The following ZNF831 variants were observed in gnomAD, a reference collection of about 807,000 sequenced individuals.
ZNF831 encodes zinc finger protein 831.
Under a neutral mutation model 95.8 loss-of-function variants are expected in ZNF831, and 59 were observed. The observed-to-expected ratio is 0.62, with a 90% confidence interval of 0.50 to 0.77. The LOEUF (loss-of-function observed/expected upper bound fraction) is 0.77, where lower values mean the gene tolerates loss of function less well. Ranked by LOEUF, ZNF831 falls within the 30% of genes least tolerant of loss-of-function variation. The pLI, the probability that ZNF831 is intolerant of heterozygous loss-of-function variation, is 0.00. For missense variants in ZNF831, 2,205 were observed against 2,164.0 expected, an observed-to-expected ratio of 1.02 and a Z score of -0.38; for synonymous variants, 961 against 925.5, an observed-to-expected ratio of 1.04 and a Z score of -0.70.
rs750565518 is a variant in ZNF831, at chr20:59,191,911, T to A, written c.892T>A (p.Trp298Arg). 2 of 1,612,162 alleles carry A rather than the reference T, an allele frequency of 1.2e-6. No homozygotes were observed. The highest frequency in any genetic ancestry group is 3.3e-5 in the Admixed American group (2 of 59,984). The change falls in exon 2 of 6, where the codon TGG (tryptophan) becomes AGG (arginine). Residue 298 changes from tryptophan to arginine, a missense_variant. Transcript: ENST00000371030. ...PGLPAASTQP[W>R]RKLPEQKSPT... ...GCTCCCAGCGGCCAGCACACAACCC[T>A]GGCGTAAGTTGCCAGAGCAGAAGTC... is the stretch of plus-strand genomic sequence containing the variant.
In ZNF831 at chr20:59,254,023, C is replaced by A. The variant is rs1405379879; in HGVS notation, c.4314C>A (p.Gly1438=). The A allele has an allele frequency of 1.2e-6, 2 of 1,614,146 alleles. No individual in the cohort carries two copies. The highest frequency in any genetic ancestry group is 1.1e-5 in the South Asian group (1 of 91,082). ...AVVNDVPLPP[G]KGLDLGLLET... is the part of the protein sequence containing the mutation. ...TTAATGACGTGCCTCTACCCCCTGG[C>A]AAAGGTCTTGACCTTGGGTTGCTGG... Residue 1438 remains glycine (G), a synonymous_variant, in exon 6 of 6, where the codon GGC becomes GGA. Coordinates refer to ENST00000371030, the MANE Select transcript of ZNF831 (RefSeq NM_178457.3). This position sits in a 1 kb window ranked among gnomAD's most constrained non-coding sequence, Gnocchi z 4.5.
intron 3 of ZNF831, among the ~76,000 whole-genome samples, chr20:59,205,673 G>A (rs998350382): frequency 2.0e-5 from 3 of 152,152 alleles, no homozygotes; most frequent in Non-Finnish European, 4.4e-5. Context: ...GAAAATAGCC[G>A]GTTCTGAGGA....
intron 1 of ZNF831, among the ~76,000 whole-genome samples, chr20:59,143,230 C>G (rs1979736781): frequency 6.6e-6 from 1 of 152,160 alleles, no homozygotes; most frequent in South Asian, 2.1e-4. Flanking sequence ...CATTTTGCTC[C>G]TAGGGCCTAG....
At chr20:59,156,500 TG>T (rs1261850144) in intron 2 of ZNF831, among the ~76,000 whole-genome samples, 3 of 152,138 alleles carry the variant, frequency 2.0e-5, no homozygotes, top group Admixed American at 6.5e-5. Flanking sequence ...CACTCCAGCC[TG>T]GGCGACAGGG....
At chr20:59,155,867 GCCAGAAAGC>G (rs763388547) in intron 2 of ZNF831, among the ~76,000 whole-genome samples, 1 of 152,140 alleles carries the variant, frequency 6.6e-6, no homozygotes, top group Non-Finnish European at 1.5e-5. Context: ...TGAGACACGT[GCCAGAAAGC>G]CCCTCCTAGA....
At chr20:59,188,015 CTG>C (rs1327183376) in intron 1 of ZNF831, among the ~76,000 whole-genome samples, 1 of 152,220 alleles carries the variant, frequency 6.6e-6, no homozygotes, top group Non-Finnish European at 1.5e-5. Context: ...TTCTACGGTA[CTG>C]TATATTGCCG....
At chr20:59,248,489 C>G (rs1987726189) in intron 4 of ZNF831, among the ~76,000 whole-genome samples, 1 of 152,168 alleles carries the variant, frequency 6.6e-6, no homozygotes, top group South Asian at 2.1e-4. Flanking sequence ...CAAATTAGAT[C>G]AGTGGATTTT....
At chr20:59,219,302 C>G (rs900280791) in intron 4 of ZNF831, among the ~76,000 whole-genome samples, 6 of 152,116 alleles carry the variant, frequency 3.9e-5, no homozygotes, top group African/African-American at 1.4e-4. Context: ...AGTCACGTGG[C>G]CTGAGGGTCC....
intron 4 of ZNF831, among the ~76,000 whole-genome samples, chr20:59,242,976 T>C (rs1025804223): frequency 6.6e-6 from 1 of 152,330 alleles, no homozygotes; most frequent in Admixed American, 6.5e-5. Flanking sequence ...TACCAATCAT[T>C]GTGTAATTCT....
At chr20:59,141,884 G>T (rs1237620590) in intron 1 of ZNF831, among the ~76,000 whole-genome samples, 1 of 152,206 alleles carries the variant, frequency 6.6e-6, no homozygotes, top group Non-Finnish European at 1.5e-5. Flanking sequence ...CCTGTGAAAT[G>T]ATCCCATGAA....
rs1011259602 is a variant in ZNF831, at chr20:59,255,689, G to T, written c.*946G>T. 1 of 152,210 alleles carries T rather than the reference G, an allele frequency of 6.6e-6. No homozygotes were observed. Among genetic ancestry groups the T allele is most frequent in the Non-Finnish European group, 1.5e-5 (1 of 68,042 alleles). 9.4% of individuals were successfully genotyped at this position (152,210 alleles called of 1,614,324 possible). A position where few individuals can be genotyped will look rare whatever the true frequency, so the allele number is the denominator to read the frequency against. On this transcript the variant is annotated 3_prime_UTR_variant, in exon 6 of 6. Transcript: ENST00000371030. ...CAGCTTCAACTGATGCCTGCTCGTC[G>T]TGACGGGAGCCTTTTAGATTTCCTT... is the stretch of plus-strand genomic sequence containing the variant.
At chr20:59,174,188 T>C (rs904545602) in intron 1 of ZNF831, among the ~76,000 whole-genome samples, 2 of 152,132 alleles carry the variant, frequency 1.3e-5, no homozygotes, top group Non-Finnish European at 2.9e-5. Flanking sequence ...AAACGGCCAC[T>C]GTGTGTGGAC....
intron 4 of ZNF831, among the ~76,000 whole-genome samples, chr20:59,220,107 T>G (rs1366271863): frequency 6.6e-6 from 1 of 152,184 alleles, no homozygotes. Context: ...TGAAAACCGT[T>G]CTCATATTTG....
intron 3 of ZNF831, among the ~76,000 whole-genome samples, chr20:59,204,812 T>C: frequency 6.6e-6 from 1 of 152,006 alleles, no homozygotes; most frequent in South Asian, 2.1e-4. Flanking sequence ...GCATGGCTGG[T>C]GATGGAGATG....
At chr20:59,136,697 C>A (rs1404287963) in intron 1 of ZNF831, among the ~76,000 whole-genome samples, 7 of 152,192 alleles carry the variant, frequency 4.6e-5, no homozygotes, top group Admixed American at 4.6e-4. Flanking sequence ...TGGCCATATT[C>A]TTTTCTTCCT....
chr20:59,183,380 A>G (rs956041599), intron 1 of ZNF831, among the ~76,000 whole-genome samples: 1 of 152,200 alleles, frequency 6.6e-6, no homozygotes, highest in East Asian at 1.9e-4. Flanking sequence ...TATCAGGTGA[A>G]GACTGTAAGT....
chr20:59,224,957 AT>A (rs78688579), intron 4 of ZNF831, among the ~76,000 whole-genome samples: 18,691 of 148,194 alleles, frequency 0.13, 1,324 homozygotes, highest in East Asian at 0.34. Flanking sequence ...AAATTTTGTG[AT>A]TTTTTTTTTT....
chr20:59,226,943 A>C (rs1044856821), intron 4 of ZNF831, among the ~76,000 whole-genome samples: 1 of 152,140 alleles, frequency 6.6e-6, no homozygotes, highest in Non-Finnish European at 1.5e-5. Flanking sequence ...TTCACCTGAC[A>C]TTAGGACAGT....
In ZNF831 at chr20:59,194,427, C is replaced by T. The variant is rs753876980; in HGVS notation, c.3408C>T (p.Ala1136=). The T allele has an allele frequency of 2.5e-6, 4 of 1,612,312 alleles. No individual in the cohort carries two copies. The highest frequency in any genetic ancestry group is 3.4e-6 in the Non-Finnish European group (4 of 1,179,364). The change falls in exon 2 of 6, where the codon GCC becomes GCT. Residue 1136 remains alanine (A), a synonymous_variant. Coordinates refer to ENST00000371030, the MANE Select transcript of ZNF831 (RefSeq NM_178457.3). ...SPLQPGSFLT[A]LTRPQGVPPG... ...TCCAGCCTGGCTCCTTCCTCACTGC[C>T]CTCACTCGGCCTCAGGGTGTGCCCC...
Sources: gnomAD v4.1 joint callset for allele counts (sites outside exome capture counted in the v4.1 genomes callset) on GRCh38, gnomAD v4.1.1 for gene constraint, Gnocchi (gnomAD v3.1) non-coding constraint, MANE v1.5 for transcripts, NCBI Gene and HGNC (gene_info 2026-07-23, HGNC 2026-07-21) for gene names.